PHACTR2: variants seen among roughly 807,000 people sequenced by gnomAD.
PHACTR2 encodes the protein chromosome 6 open reading frame 56.
A neutral mutation model predicts 76.0 loss-of-function variants in PHACTR2; 30 were observed. The observed-to-expected ratio is 0.39, with a 90% CI of 0.30 to 0.54. The LOEUF is 0.54. PHACTR2 is among the 20% of genes least tolerant of loss of function. The pLI, the probability that PHACTR2 is intolerant of heterozygous loss-of-function variation, is 0.61. For missense variants in PHACTR2, 696 were observed against 781.1 expected, an observed-to-expected ratio of 0.89 and a Z score of 1.30; for synonymous variants, 292 against 292.5, an observed-to-expected ratio of 1.00 and a Z score of 0.02.
intron 1 of PHACTR2, among the ~76,000 whole-genome samples, chr6:143,645,974 C>G (rs961224212): frequency 6.6e-6 from 1 of 151,900 alleles, no homozygotes; most frequent in Non-Finnish European, 1.5e-5. Context: ...GGATTGATTA[C>G]CTCAAAATAT....
chr6:143,655,013 C>T (rs376694854), intron 1 of PHACTR2, among the ~76,000 whole-genome samples: 2 of 151,782 alleles, frequency 1.3e-5, no homozygotes, highest in Non-Finnish European at 2.9e-5. Flanking sequence ...AAAAATTAGC[C>T]GGGTGTGATG....
chr6:143,718,403 G>A (rs1247221422), intron 2 of PHACTR2, among the ~76,000 whole-genome samples: 1 of 152,170 alleles, frequency 6.6e-6, no homozygotes, highest in Non-Finnish European at 1.5e-5. Flanking sequence ...CTGGCAGTAG[G>A]CAAAGGCAAT....
intron 1 of PHACTR2, among the ~76,000 whole-genome samples, chr6:143,701,946 T>A (rs1777923071): frequency 6.6e-6 from 1 of 152,108 alleles, no homozygotes; most frequent in African/African-American, 2.4e-5. Context: ...CCTAGTCTCC[T>A]AATTTCAGCA....
upstream of PHACTR2, among the ~76,000 whole-genome samples, chr6:143,673,908 C>T (rs918728917): frequency 1.5e-4 from 23 of 152,112 alleles, no homozygotes; most frequent in African/African-American, 4.6e-4. Context: ...AAATAAATCA[C>T]ATGAAAATAT....
chr6:143,727,598 A>G (rs1778602581), intron 2 of PHACTR2, among the ~76,000 whole-genome samples: 1 of 122,696 alleles, frequency 8.2e-6, no homozygotes, highest in Non-Finnish European at 1.7e-5. Context: ...AAGAGTTCCC[A>G]TTTCTTTGAA....
In PHACTR2 at chr6:143,751,921, CTT is replaced by C. The variant is rs1779191452; in HGVS notation, c.296-1831_296-1830del. ...AATATACACACCAGCTAATTAATAA[CTT>C]TACTTCCCCTCTGTTTTGTTCTTGA... On this transcript the variant is annotated intron_variant, in intron 3 of 12. Transcript: ENST00000440869. This position sits in a 1 kb window ranked among gnomAD's most constrained non-coding sequence, Gnocchi z 5.7. 6.6e-6 allele frequency among the ~76,000 whole-genome samples: 1 copy of C among 151,972 alleles called. No individual in the cohort carries two copies. Among genetic ancestry groups the C allele is most frequent in the Non-Finnish European group, 1.5e-5 (1 of 67,970 alleles).
In PHACTR2 at chr6:143,571,429, G is replaced by A. The variant is rs1216322745; in HGVS notation, c.217+34222G>A. 6.6e-6 allele frequency among the ~76,000 whole-genome samples: 1 copy of A among 151,862 alleles called. No individual in the cohort carries two copies. The highest frequency in any genetic ancestry group is 1.5e-5 in the Non-Finnish European group (1 of 67,994). On this transcript the variant is annotated intron_variant, in intron 1 of 11. Coordinates refer to the PHACTR2 transcript ENST00000367584. The surrounding 1 kb of genome is among the most constrained non-coding windows in gnomAD (Gnocchi z 4.6). ...TATCTACTTTATTTCTTTTTTTAGA[G>A]ACCCTCCAGCTCTGTCACCCAGGCT...
chr6:143,638,526 A>G (rs1280867590), intron 1 of PHACTR2, among the ~76,000 whole-genome samples: 1 of 150,626 alleles, frequency 6.6e-6, no homozygotes, highest in African/African-American at 2.5e-5. Context: ...CCTGGGCCAC[A>G]GAGCAAGACC....
In PHACTR2 at chr6:143,678,686, A is replaced by T. The variant is rs933685781; in HGVS notation, c.46+477A>T. Among the ~76,000 whole-genome samples, 20 of 152,210 alleles carry T rather than the reference A, an allele frequency of 1.3e-4. No homozygotes were observed. The highest frequency in any genetic ancestry group is 4.3e-4 in the African/African-American group (18 of 41,450). On this transcript the variant is annotated intron_variant, in intron 1 of 12. Transcript: ENST00000440869. The surrounding 1 kb of genome is among the most constrained non-coding windows in gnomAD (Gnocchi z 6.2). Reference sequence around the variant, plus strand: ...GATCGCCTTATCCTGGCAGACGCTGAATACTTAATAACTAGCCCCGAAATG... The same window carrying T: ...GATCGCCTTATCCTGGCAGACGCTGTATACTTAATAACTAGCCCCGAAATG...
intron 1 of PHACTR2, among the ~76,000 whole-genome samples, chr6:143,693,048 T>C (rs1274793775): frequency 2.0e-5 from 3 of 152,168 alleles, no homozygotes; most frequent in Non-Finnish European, 4.4e-5. Flanking sequence ...TGTGCTCAAA[T>C]ATTTTCCTCT....
In PHACTR2 at chr6:143,598,179, G is replaced by C. The variant is rs1036559702; in HGVS notation, c.217+60972G>C. 1.3e-5 allele frequency among the ~76,000 whole-genome samples: 2 copies of C among 152,096 alleles called. No individual in the cohort carries two copies. The highest frequency in any genetic ancestry group is 4.8e-5 in the African/African-American group (2 of 41,418). On this transcript the variant is annotated intron_variant, in intron 1 of 11. Coordinates refer to the PHACTR2 transcript ENST00000367584. This position sits in a 1 kb window ranked among gnomAD's most constrained non-coding sequence, Gnocchi z 4.1. ...AAAGGGACTTTGCAGATGTGAAGAC[G>C]TTAAGGATGTTGACTTAATGATCCT...
At chr6:143,726,418 T>C (rs1778572705) in intron 2 of PHACTR2, among the ~76,000 whole-genome samples, 1 of 152,206 alleles carries the variant, frequency 6.6e-6, no homozygotes, top group Admixed American at 6.5e-5. Flanking sequence ...ACTCTACATC[T>C]ATTAGCCAAC....
At chr6:143,670,523 T>C (rs1777134909) in intron 1 of PHACTR2, among the ~76,000 whole-genome samples, 1 of 152,222 alleles carries the variant, frequency 6.6e-6, no homozygotes, top group Non-Finnish European at 1.5e-5. Flanking sequence ...CTATATTTCT[T>C]GGAGGCTTTG....
Position 143,611,858 on chromosome 6 carries a change from G to T in PHACTR2, c.13+3536G>T, listed in dbSNP as rs928711328. The stretch of plus-strand genomic sequence containing the variant: ...TATGTGGGTGGTGCAATGGGCATGG[G>T]GTTGGGGGATGCATTGGATATGCAT... On this transcript the variant is annotated intron_variant, in intron 1 of 11. Transcript: ENST00000305766. This position sits in a 1 kb window ranked among gnomAD's most constrained non-coding sequence, Gnocchi z 4.4. Among the ~76,000 whole-genome samples, 1 of 152,184 alleles carries T rather than the reference G, an allele frequency of 6.6e-6. No homozygotes were observed. Among genetic ancestry groups the T allele is most frequent in the African/African-American group, 2.4e-5 (1 of 41,440 alleles).
At chr6:143,682,295 G>A (rs921396217) in intron 1 of PHACTR2, among the ~76,000 whole-genome samples, 2 of 152,266 alleles carry the variant, frequency 1.3e-5, no homozygotes, top group Non-Finnish European at 2.9e-5. Flanking sequence ...CTTATCCACT[G>A]CACCCTCAAC....
At chr6:143,593,762 G>A (rs1461065643) in intron 1 of PHACTR2, among the ~76,000 whole-genome samples, 4 of 152,190 alleles carry the variant, frequency 2.6e-5, no homozygotes, top group African/African-American at 9.7e-5. Context: ...CCCACGAGGA[G>A]CTTATAGGGA....
In PHACTR2 at chr6:143,811,628, C is replaced by T. The variant is rs1776175704; in HGVS notation, c.1922+4495C>T. 6.6e-6 allele frequency among the ~76,000 whole-genome samples: 1 copy of T among 152,002 alleles called. No homozygotes were observed. The highest frequency in any genetic ancestry group is 1.5e-5 in the Non-Finnish European group (1 of 67,992). On this transcript the variant is annotated intron_variant, in intron 12 of 12. Transcript: ENST00000440869. This position sits in a 1 kb window ranked among gnomAD's most constrained non-coding sequence, Gnocchi z 4.1. ...TATTCATATCACCAAAATAAATATG[C>T]CTTGCTTAAGTATTCTTAAACCTTG...
At chr6:143,674,857 T>C (rs961670121), upstream of PHACTR2, among the ~76,000 whole-genome samples, 4 of 152,220 alleles carry the variant, frequency 2.6e-5, no homozygotes, top group Admixed American at 6.5e-5. The surrounding 1 kb of genome is among the most constrained non-coding windows in gnomAD (Gnocchi z 4.9). Flanking sequence ...TAAACCATCT[T>C]CTCTAAAGGC....
intron 2 of PHACTR2, among the ~76,000 whole-genome samples, chr6:143,747,463 T>A (rs1267292917): frequency 2.0e-5 from 3 of 152,222 alleles, no homozygotes; most frequent in Non-Finnish European, 4.4e-5. Context: ...TGAGCAAACA[T>A]GTTCTTAGTG....
Sources: allele counts gnomAD v4.1 joint callset (sites outside exome capture counted in the v4.1 genomes callset), GRCh38; gene constraint gnomAD v4.1.1; non-coding constraint Gnocchi (gnomAD v3.1); transcripts MANE v1.5; gene names NCBI Gene and HGNC (gene_info 2026-07-23, HGNC 2026-07-21).